Variants in PAX7 observed in about 807,000 individuals in gnomAD.
PAX7 encodes paired box 7.
Under a neutral mutation model 50.7 loss-of-function variants are expected in PAX7, and 18 were observed. The observed-to-expected ratio is 0.36, with a 90% CI of 0.25 to 0.53. The LOEUF (loss-of-function observed/expected upper bound fraction) is 0.53, where lower values mean the gene tolerates loss of function less well. PAX7 is among the 20% of genes least tolerant of loss of function. The pLI, the probability that PAX7 is intolerant of heterozygous loss-of-function variation, is 0.93. For synonymous variants in PAX7, 310 were observed against 290.4 expected, an observed-to-expected ratio of 1.07 and a Z score of -0.69; for missense variants, 644 against 702.9, an observed-to-expected ratio of 0.92 and a Z score of 0.95.
intron 8 of PAX7, among the ~76,000 whole-genome samples, chr1:18,740,946 T>G (rs1931096790): frequency 6.6e-6 from 1 of 152,086 alleles, no homozygotes. Flanking sequence ...AGAAGGTTGA[T>G]CTCATGGAGG....
At chr1:18,653,294 T>C (rs560088776) in intron 4 of PAX7, among the ~76,000 whole-genome samples, 1 of 152,300 alleles carries the variant, frequency 6.6e-6, no homozygotes, top group African/African-American at 2.4e-5. Context: ...CCTTGGGAAT[T>C]AGTTGCAAGA....
At chr1:18,657,576 T>C (rs2088540740) in intron 4 of PAX7, among the ~76,000 whole-genome samples, 1 of 152,102 alleles carries the variant, frequency 6.6e-6, no homozygotes, top group Admixed American at 6.5e-5. Flanking sequence ...AGAGACCTGG[T>C]CTCCTCTGCC....
chr1:18,703,849 C>T (rs2089253135), intron 7 of PAX7, among the ~76,000 whole-genome samples: 1 of 152,160 alleles, frequency 6.6e-6, no homozygotes, highest in African/African-American at 2.4e-5. Flanking sequence ...GAATCCACTG[C>T]ACATGATCCA....
At chr1:18,724,668 A>G (rs1184373540) in intron 7 of PAX7, among the ~76,000 whole-genome samples, 1 of 152,180 alleles carries the variant, frequency 6.6e-6, no homozygotes, top group Non-Finnish European at 1.5e-5. Flanking sequence ...TCTATTTACA[A>G]CTTTTGAGTT....
intron 7 of PAX7, among the ~76,000 whole-genome samples, chr1:18,704,146 G>A (rs1323765004): frequency 6.6e-6 from 1 of 152,198 alleles, no homozygotes; most frequent in Non-Finnish European, 1.5e-5. Flanking sequence ...AATTAATATG[G>A]GAAACCCATT....
chr1:18,696,065 C>CTTT (rs386366372), intron 5 of PAX7, among the ~76,000 whole-genome samples: 1,310 of 128,832 alleles, frequency 0.01, 29 homozygotes, highest in African/African-American at 0.036. Flanking sequence ...CATTTCTTTT[C>CTTT]TTTTTTTTTT....
intron 4 of PAX7, among the ~76,000 whole-genome samples, chr1:18,640,838 G>C (rs1460023253): frequency 6.6e-6 from 1 of 150,678 alleles, no homozygotes; most frequent in East Asian, 2.0e-4. Context: ...GGCGCGCCGG[G>C]CCGGGGGCTG....
At chr1:18,738,944 C>T (rs112453888) in intron 8 of PAX7, among the ~76,000 whole-genome samples, 4 of 152,294 alleles carry the variant, frequency 2.6e-5, no homozygotes, top group African/African-American at 7.2e-5. Context: ...ATCATGTTCC[C>T]GCTAACCACT....
At chr1:18,659,761 A>G (rs1165394916) in intron 4 of PAX7, among the ~76,000 whole-genome samples, 1 of 152,154 alleles carries the variant, frequency 6.6e-6, no homozygotes, top group Non-Finnish European at 1.5e-5. Flanking sequence ...AGGGTCCCAC[A>G]TTCCAGAAAA....
intron 4 of PAX7, among the ~76,000 whole-genome samples, chr1:18,664,792 C>A (rs2088645494): frequency 1.3e-5 from 2 of 151,984 alleles, no homozygotes; most frequent in African/African-American, 4.8e-5. Flanking sequence ...TTGTAATGCT[C>A]ATTTCCCTAG....
chr1:18,667,166 C>G (rs527316980), intron 4 of PAX7, among the ~76,000 whole-genome samples: 9 of 152,250 alleles, frequency 5.9e-5, no homozygotes, highest in African/African-American at 2.2e-4. Context: ...AGTCCTGACC[C>G]TAGCTGTGTG....
chr1:18,655,896 T>C (rs1037657285), intron 4 of PAX7, among the ~76,000 whole-genome samples: 4 of 151,928 alleles, frequency 2.6e-5, no homozygotes, highest in African/African-American at 9.7e-5. Context: ...ATTCGTTTGT[T>C]CATCTACTTC....
At chr1:18,674,782 T>C (rs1200300971) in intron 4 of PAX7, among the ~76,000 whole-genome samples, 1 of 152,188 alleles carries the variant, frequency 6.6e-6, no homozygotes, top group African/African-American at 2.4e-5. Context: ...GTGGTCCTGT[T>C]TATTTGCTGA....
intron 7 of PAX7, among the ~76,000 whole-genome samples, chr1:18,722,234 T>C (rs540781668): frequency 1.3e-5 from 2 of 151,956 alleles, no homozygotes; most frequent in South Asian, 2.1e-4. Context: ...GGGGCCCAGG[T>C]TGGAGTTGGG....
At chr1:18,720,537 A>G (rs1248086139) in intron 7 of PAX7, among the ~76,000 whole-genome samples, 3 of 152,122 alleles carry the variant, frequency 2.0e-5, no homozygotes, top group African/African-American at 7.2e-5. Flanking sequence ...ACAGACAGAC[A>G]GACCCAGAGA....
At chr1:18,643,880 A>G (rs1258590959) in intron 4 of PAX7, among the ~76,000 whole-genome samples, 1 of 151,546 alleles carries the variant, frequency 6.6e-6, no homozygotes, top group Non-Finnish European at 1.5e-5. Context: ...CTGCGCTCCA[A>G]CCCGGGGCGC....
chr1:18,676,957 G>T (rs891384112), intron 4 of PAX7, among the ~76,000 whole-genome samples: 5 of 152,156 alleles, frequency 3.3e-5, no homozygotes, highest in African/African-American at 1.2e-4. Flanking sequence ...GTTTAGAGGT[G>T]AAGTCAGGGA....
rs532163453 is a variant in PAX7, at chr1:18,638,471, A to G, written c.586+2100A>G. Among the ~76,000 whole-genome samples, 3 of 152,332 alleles carry G rather than the reference A, an allele frequency of 2.0e-5. No homozygotes were observed. In the South Asian group the frequency reaches 6.2e-4, roughly 32 times the overall value. On this transcript the variant is annotated intron_variant, in intron 4 of 8. Transcript: ENST00000420770. ...GGGGAGGCTGAGGACACAGGTGCTA[A>G]GTCTAGAGGAGCTGAAGAAATGAAA...
intron 4 of PAX7, among the ~76,000 whole-genome samples, chr1:18,680,288 G>A (rs1054213809): frequency 6.6e-6 from 1 of 152,162 alleles, no homozygotes; most frequent in Non-Finnish European, 1.5e-5. Context: ...GAGGACAAGT[G>A]ACAAGTGACA....
Sources: gnomAD v4.1 joint callset for allele counts (sites outside exome capture counted in the v4.1 genomes callset) on GRCh38, gnomAD v4.1.1 for gene constraint, MANE v1.5 for transcripts, NCBI Gene and HGNC (gene_info 2026-07-23, HGNC 2026-07-21) for gene names.